Variants in AOPEP observed in about 807,000 individuals in gnomAD.
AOPEP encodes the protein aminopeptidase O (putative).
AOPEP carries 77 observed loss-of-function variants against 98.1 expected under a neutral mutation model. That is an observed-to-expected ratio of 0.78 (90% CI 0.65 to 0.95). The LOEUF (loss-of-function observed/expected upper bound fraction) is 0.95. AOPEP is among the 40% of genes least tolerant of loss of function. AOPEP has a pLI of 0.00. For synonymous variants in AOPEP, 346 were observed against 365.3 expected (o/e 0.95, Z 0.60); for missense variants, 1,024 against 1,024.7 (o/e 1.00, Z 0.01).
At chr9:94,811,225 C>T (rs921725638) in intron 5 of AOPEP, among the ~76,000 whole-genome samples, 1 of 152,162 alleles carries the variant, frequency 6.6e-6, no homozygotes, top group Admixed American at 6.5e-5. Context: ...TTGTTTTGAC[C>T]TTGACAGTCA....
intron 5 of AOPEP, among the ~76,000 whole-genome samples, chr9:94,831,896 T>G (rs1053145483): frequency 2.6e-5 from 4 of 152,110 alleles, no homozygotes; most frequent in African/African-American, 9.7e-5. Flanking sequence ...AGGTGTTTAA[T>G]TTTTAAAATG....
the AOPEP span, chr9:95,135,494 A>G: frequency 6.2e-7 from 1 of 1,614,018 alleles, no homozygotes; most frequent in Non-Finnish European, 8.5e-7. Flanking sequence ...GGGGAGAGAA[A>G]TCTTCTTCCT....
chr9:94,937,150 T>C (rs1294400291), intron 7 of AOPEP, among the ~76,000 whole-genome samples: 1 of 152,240 alleles, frequency 6.6e-6, no homozygotes, highest in Non-Finnish European at 1.5e-5. Context: ...CCTCTAATGC[T>C]GCCTTGGTCT....
chr9:94,919,863 C>A (rs997162864), intron 5 of AOPEP, among the ~76,000 whole-genome samples: 1 of 152,180 alleles, frequency 6.6e-6, no homozygotes, highest in African/African-American at 2.4e-5. Context: ...CCCCCTCTCT[C>A]GGGTCTTCCT....
intron 8 of AOPEP, 86 bp downstream of exon 8, chr9:94,955,365 G>A (rs1048392340): frequency 2.5e-6 from 2 of 806,842 alleles, no homozygotes; most frequent in Non-Finnish European, 4.1e-6. Flanking sequence ...TTAGTAACAA[G>A]ACTGAGGTGA....
the AOPEP span, among the ~76,000 whole-genome samples, chr9:95,096,918 C>T: frequency 7.2e-5 from 11 of 152,282 alleles, no homozygotes; most frequent in Admixed American, 6.5e-5. Flanking sequence ...TCTAGGATGT[C>T]GTTCCAGAGG....
chr9:94,960,715 C>T (rs1295453522), intron 9 of AOPEP, among the ~76,000 whole-genome samples: 2 of 151,700 alleles, frequency 1.3e-5, no homozygotes, highest in Non-Finnish European at 2.9e-5. Flanking sequence ...GTTCTTACTG[C>T]GTAAGAATGC....
chr9:94,795,879 CAGA>C (rs1846815112), intron 4 of AOPEP, among the ~76,000 whole-genome samples: 1 of 152,118 alleles, frequency 6.6e-6, no homozygotes, highest in South Asian at 2.1e-4. Context: ...GAGGAACAGA[CAGA>C]GGAGATAAAA....
At chr9:95,104,854 C>T in the AOPEP span, among the ~76,000 whole-genome samples, 1 of 152,176 alleles carries the variant, frequency 6.6e-6, no homozygotes, top group Non-Finnish European at 1.5e-5. Flanking sequence ...ACCATCTCCC[C>T]ACTGCCCCTC....
chr9:94,968,947 A>C (rs1010046599), intron 10 of AOPEP, among the ~76,000 whole-genome samples: 2 of 152,174 alleles, frequency 1.3e-5, no homozygotes, highest in East Asian at 1.9e-4. Context: ...TTAATCCTCA[A>C]AACAACACTA....
chr9:94,943,859 G>A lies in AOPEP; in HGVS notation c.1662-11318G>A, dbSNP rs1335676300. Among the ~76,000 whole-genome samples the A allele has an allele frequency of 3.5e-5, 5 of 141,268 alleles. No individual in the cohort carries two copies. In the Admixed American group the frequency reaches 3.9e-4, roughly 11 times the overall value. The allele number at this position is 141,268 out of a possible 152,430, so 92.7% of individuals were successfully genotyped here. A position where few individuals can be genotyped will look rare whatever the true frequency, so the allele number is the denominator to read the frequency against. On this transcript the variant is annotated intron_variant, in intron 7 of 16. Transcript: ENST00000375315. ...CACTTGAACCCGAGGGGCAGAGGTT[G>A]CAGTGAGCTGAGATTGTACCACTGC... is the stretch of plus-strand genomic sequence containing the variant.
the AOPEP span, chr9:95,107,377 G>A: frequency 5.7e-6 from 7 of 1,223,874 alleles, no homozygotes; most frequent in East Asian, 1.5e-4. Flanking sequence ...GGTAAGCACT[G>A]GCCCCTGAGA....
At chr9:95,004,065 G>C (rs1192082497) in intron 11 of AOPEP, 3 of 343,302 alleles carry the variant, frequency 8.7e-6, no homozygotes, top group East Asian at 8.0e-5. Flanking sequence ...TTTTGATCTT[G>C]AAAGAAGGAT....
At chr9:94,917,305 A>T (rs1203096071) in intron 5 of AOPEP, among the ~76,000 whole-genome samples, 1 of 152,168 alleles carries the variant, frequency 6.6e-6, no homozygotes, top group Non-Finnish European at 1.5e-5. Context: ...CCTAGACTCA[A>T]GGTGGTCTCC....
chr9:95,061,079 G>A (rs2067279436), intron 14 of AOPEP: 1 of 301,354 alleles, frequency 3.3e-6, no homozygotes, highest in Non-Finnish European at 6.3e-6. Context: ...TTTTTGAGTT[G>A]TAAACTTGGG....
chr9:94,951,251 C>T (rs1396428028), intron 7 of AOPEP, among the ~76,000 whole-genome samples: 3 of 152,226 alleles, frequency 2.0e-5, no homozygotes, highest in Admixed American at 2.0e-4. Context: ...CTGAGCCTCA[C>T]TGCAGACTTT....
the AOPEP span, among the ~76,000 whole-genome samples, chr9:95,115,275 G>A: frequency 1.3e-5 from 2 of 152,214 alleles, no homozygotes; most frequent in African/African-American, 2.4e-5. Flanking sequence ...CATGGAAGTA[G>A]CTAGAGATTG....
intron 5 of AOPEP, among the ~76,000 whole-genome samples, chr9:94,873,631 T>G (rs895769550): frequency 4.6e-5 from 7 of 152,234 alleles, no homozygotes; most frequent in African/African-American, 1.7e-4. Context: ...AAATTATGAA[T>G]CAACCTGAAG....
chr9:94,926,663 C>T (rs1047591011), intron 6 of AOPEP, among the ~76,000 whole-genome samples: 1 of 152,134 alleles, frequency 6.6e-6, no homozygotes, highest in African/African-American at 2.4e-5. Flanking sequence ...GGTGTGCCAC[C>T]TCCCAGGTGC....
Sources: allele counts gnomAD v4.1 joint callset (sites outside exome capture counted in the v4.1 genomes callset), GRCh38; gene constraint gnomAD v4.1.1; transcripts MANE v1.5; gene names NCBI Gene and HGNC (gene_info 2026-07-23, HGNC 2026-07-21).